The following SELENOS variants were observed in gnomAD, a reference collection of about 807,000 sequenced individuals.
SELENOS encodes the protein selenoprotein S, also known as VCP interacting membrane selenoprotein.
Under a neutral mutation model 30.2 loss-of-function variants are expected in SELENOS, and 37 were observed. That is an observed-to-expected ratio of 1.23 (90% CI 0.94 to 1.61). SELENOS has a LOEUF of 1.61. Among genes scored for constraint, SELENOS ranks in the 40% most tolerant of loss-of-function variants. The pLI is 0.00. For missense variants in SELENOS, 289 were observed against 231.8 expected (o/e 1.25, Z -1.60); for synonymous variants, 119 against 91.6 (o/e 1.30, Z -1.71).
intron 5 of SELENOS, 193 bp downstream of exon 5, chr15:101,274,227 T>C: frequency 1.5e-6 from 1 of 661,584 alleles, no homozygotes; most frequent in South Asian, 1.9e-5. Context: ...TAGAATACTA[T>C]AAGTACAATC....
chr15:101,274,457 C>T lies in SELENOS; in HGVS notation c.447G>A (p.Leu149=). ...AAGGCTTTCTGTCCGATTTCCGTTT[C>T]AGGACAGATGAAGTGGAAGGCCCAG... The part of the protein sequence containing the change: ...DSPGPSTSSV[L]KRKSDRKPLR... The change falls in exon 5 of 6, where the codon CTG becomes CTA. Residue 149 remains leucine (L), a synonymous_variant. Coordinates refer to ENST00000526049, the MANE Select transcript of SELENOS (RefSeq NM_018445.6). 6.2e-7 allele frequency: 1 copy of T among 1,609,746 alleles called. No individual in the cohort carries two copies. The highest frequency in any genetic ancestry group is 8.5e-7 in the Non-Finnish European group (1 of 1,177,866).
chr15:101,277,393 A>C lies in SELENOS; in HGVS notation c.25T>G (p.Ser9Ala), dbSNP rs1311911791. The change falls in exon 1 of 6, where the codon TCC becomes GCC. Residue 9 changes from serine (S) to alanine (A), a missense_variant. Coordinates refer to ENST00000526049, the MANE Select transcript of SELENOS (RefSeq NM_018445.6). The stretch of plus-strand genomic sequence containing the variant: ...TCGGTCTCCAGGGCCGGCCGCGCGG[A>C]CAGAGACTCCTCTTGGCGTTCCATG... MERQEESL[S>A]ARPALETEGL... 1 of 1,503,186 alleles carries C rather than the reference A, an allele frequency of 6.7e-7. No homozygotes were observed. The highest frequency in any genetic ancestry group is 1.2e-5 in the South Asian group (1 of 80,702). The allele number at this position is 1,503,186 out of a possible 1,614,324, so 93.1% of individuals were successfully genotyped here.
intron 3 of SELENOS, chr15:101,274,939 T>G: frequency 3.4e-6 from 2 of 582,010 alleles, no homozygotes; most frequent in Non-Finnish European, 3.0e-6. Context: ...AACTCACTCC[T>G]GTCAGGACAT....
chr15:101,273,323 G>A (rs190949154), intron 5 of SELENOS, among the ~76,000 whole-genome samples: 81 of 152,272 alleles, frequency 5.3e-4, no homozygotes, highest in African/African-American at 1.8e-3. Context: ...ACTCCCTCAT[G>A]AGCTTCCCAA....
chr15:101,270,845 C>G (rs752964114), downstream of SELENOS: 1 of 152,120 alleles, frequency 6.6e-6, no homozygotes, highest in Admixed American at 6.5e-5. Context: ...TATTACACAA[C>G]GCAAGTTTCC....
chr15:101,274,563 C>T lies in SELENOS; in HGVS notation c.408+29G>A, dbSNP rs142849683. On this transcript the variant is annotated intron_variant, in intron 4 of 5. Coordinates refer to ENST00000526049, the MANE Select transcript of SELENOS (RefSeq NM_018445.6). The stretch of plus-strand genomic sequence containing the variant: ...TCTACTTGGCAATCTTCATCTACCG[C>T]ATGCCAGCCGGCCGAGGTCTCCAGT... 948 of 1,611,740 alleles carry T rather than the reference C, an allele frequency of 5.9e-4. 3 individuals are homozygous for T. In the African/African-American group the frequency reaches 0.011, roughly 18 times the overall value.
chr15:101,276,788 G>A, intron 1 of SELENOS, 113 bp from the exon 2 acceptor site: 1 of 1,341,426 alleles, frequency 7.5e-7, no homozygotes, highest in Non-Finnish European at 1.0e-6. Context: ...TCATGGTCTA[G>A]GCTGAGGAAA....
At chr15:101,276,474 A>G in intron 2 of SELENOS, 67 bp downstream of exon 2, 3 of 1,462,272 alleles carry the variant, frequency 2.1e-6, no homozygotes, top group Non-Finnish European at 1.8e-6. Flanking sequence ...ACTTTTACTA[A>G]GAGACTAACT....
rs1233222933 is a variant in SELENOS, at chr15:101,272,625, G to C, written c.*146C>G. ...CAACATCTATACCTTTTGCTGACTG[G>C]AGCCCTGACATATGCAGGTGTAGTT... On this transcript the variant is annotated 3_prime_UTR_variant, in exon 6 of 6. Transcript: ENST00000526049. The C allele has an allele frequency of 2.7e-6, 2 of 752,782 alleles. No individual in the cohort carries two copies. Among genetic ancestry groups the C allele is most frequent in the African/African-American group, 3.5e-5 (2 of 57,140 alleles). The allele number at this position is 752,782 out of a possible 1,614,324, so 46.6% of individuals were successfully genotyped here. A position where few individuals can be genotyped will look rare whatever the true frequency, so the allele number is the denominator to read the frequency against.
At chr15:101,274,259 C>A (rs1225195753) in intron 5 of SELENOS, 161 bp downstream of exon 5, 5 of 785,018 alleles carry the variant, frequency 6.4e-6, no homozygotes, top group Non-Finnish European at 1.0e-5. Context: ...TTAGTGAGGA[C>A]CTAGGAGGTG....
At chr15:101,272,948 C>G in intron 5 of SELENOS, 92 bp from the exon 6 acceptor site, 3 of 1,136,528 alleles carry the variant, frequency 2.6e-6, no homozygotes, top group Non-Finnish European at 3.9e-6. Context: ...GAGAGTGACA[C>G]GCAAAGCACT....
At chr15:101,275,224 T>A in intron 3 of SELENOS, 31 bp downstream of exon 3, 2 of 1,511,034 alleles carry the variant, frequency 1.3e-6, no homozygotes, top group Non-Finnish European at 1.8e-6. Context: ...ACAATTTCTA[T>A]GCACACATTC....
intron 2 of SELENOS, among the ~76,000 whole-genome samples, chr15:101,276,242 CTTTTTT>C (rs34035984): frequency 5.7e-5 from 7 of 122,500 alleles, no homozygotes; most frequent in African/African-American, 9.9e-5. Flanking sequence ...ATACTTCCTA[CTTTTTT>C]TTTTTTTTTT....
Position 101,276,626 on chromosome 15 carries a change from G to C in SELENOS, c.126C>G (p.Ile42Met), listed in dbSNP as rs2039330806. Residue 42 changes from isoleucine to methionine, a missense_variant, in exon 2 of 6, where the codon ATC (isoleucine) becomes ATG (methionine). Transcript: ENST00000526049. ...GCTTCTGAAAGACCACGTAGAGAAGGATGCAGCTGAAGACGATGTACCAGC... is the reference window on the plus strand; with the variant it reads ...GCTTCTGAAAGACCACGTAGAGAAGCATGCAGCTGAAGACGATGTACCAGC... ...TYGWYIVFSC[I>M]LLYVVFQKLS... The C allele has an allele frequency of 6.2e-7, 1 of 1,613,788 alleles. No homozygotes were observed. The highest frequency in any genetic ancestry group is 8.5e-7 in the Non-Finnish European group (1 of 1,179,836).
In SELENOS at chr15:101,277,233, C is replaced by T. The variant is rs374303714; in HGVS notation, c.76+109G>A. 202 of 1,505,326 alleles carry T rather than the reference C, an allele frequency of 1.3e-4. 4 individuals carry two copies. In the South Asian group the frequency reaches 2.1e-3, roughly 16 times the overall value. 93.2% of individuals were successfully genotyped at this position (1,505,326 alleles called of 1,614,324 possible). On this transcript the variant is annotated intron_variant, in intron 1 of 5. Transcript: ENST00000526049. ...GCGTAAGCGCCAACGCCCGACCGTTCCCAGGCCTCCCAGGCTCCGGCGCCC... is the reference window on the plus strand; with the variant it reads ...GCGTAAGCGCCAACGCCCGACCGTTTCCAGGCCTCCCAGGCTCCGGCGCCC...
At chr15:101,273,755 C>T (rs2039294652) in intron 5 of SELENOS, among the ~76,000 whole-genome samples, 2 of 152,228 alleles carry the variant, frequency 1.3e-5, no homozygotes, top group South Asian at 2.1e-4. Context: ...CCTTGGAGCC[C>T]ATGCCCCAGT....
rs758506988 is a variant in SELENOS at position 101,275,373 on chromosome 15, GA to G, written c.212-13del. ...AACAACATCAGGTTCTAAAATGTCA[GA>G]AAAAAATGGAGATAAAGCACTGTGT... On this transcript the variant is annotated splice_polypyrimidine_tract_variant and intron_variant, in intron 2 of 5. Coordinates refer to ENST00000526049, the MANE Select transcript of SELENOS (RefSeq NM_018445.6). The G allele has an allele frequency of 2.9e-5, 44 of 1,538,152 alleles. No homozygotes were observed. Among genetic ancestry groups the G allele is most frequent in the Non-Finnish European group, 3.4e-5 (39 of 1,143,442 alleles).
chr15:101,276,591 C>G lies in SELENOS; in HGVS notation c.161G>C (p.Arg54Pro), dbSNP rs376209946. The G allele has an allele frequency of 1.2e-6, 2 of 1,613,760 alleles. No individual in the cohort carries two copies. The highest frequency in any genetic ancestry group is 1.7e-5 in the Admixed American group (1 of 60,006). ...LYVVFQKLSA[R>P]LRALRQRQLD... ...CTGCCTCTGCCTCAAGGCTCTTAGCCGGGCGGAAAGCTTCTGAAAGACCAC... is the reference window on the plus strand; with the variant it reads ...CTGCCTCTGCCTCAAGGCTCTTAGCGGGGCGGAAAGCTTCTGAAAGACCAC... Residue 54 changes from arginine (R) to proline (P), a missense_variant, in exon 2 of 6, where the codon CGG (arginine) becomes CCG (proline). Arg to Pro is a moderately radical substitution (Grantham distance 103, BLOSUM62 -2). Coordinates refer to ENST00000526049, the MANE Select transcript of SELENOS (RefSeq NM_018445.6).
chr15:101,271,223 T>A (rs957160348), downstream of SELENOS: 11 of 152,174 alleles, frequency 7.2e-5, no homozygotes, highest in African/African-American at 2.2e-4. Context: ...TGTTAAAAAG[T>A]TTCCTTATAA....
Sources: allele counts gnomAD v4.1 joint callset (sites outside exome capture counted in the v4.1 genomes callset), GRCh38; gene constraint gnomAD v4.1.1; transcripts MANE v1.5; gene names NCBI Gene and HGNC (gene_info 2026-07-23, HGNC 2026-07-21).